The following MED12L variants were observed in gnomAD, a reference collection of about 807,000 sequenced individuals.
The protein encoded by MED12L is mediator complex subunit 12L.
Under a neutral mutation model 281.3 loss-of-function variants are expected in MED12L, and 60 were observed. The ratio of observed to expected loss-of-function variants is 0.21; its 90% confidence interval spans 0.17 to 0.26. The LOEUF (loss-of-function observed/expected upper bound fraction) is 0.26. MED12L is among the 10% of genes least tolerant of loss of function. The probability of loss-of-function intolerance (pLI) is 1.00; values close to 1 mark genes in which losing one functional copy is unlikely to be tolerated. For synonymous variants in MED12L, 974 were observed against 987.2 expected (o/e 0.99, Z 0.25); for missense variants, 2,146 against 2,680.9 (o/e 0.80, Z 4.41).
intron 16 of MED12L, among the ~76,000 whole-genome samples, chr3:151,334,954 C>T (rs1310579932): frequency 2.0e-5 from 3 of 152,286 alleles, no homozygotes; most frequent in East Asian, 3.9e-4. Context: ...TATTTATGGA[C>T]ATTGAAATTC....
chr3:151,228,069 T>C (rs1429595518), intron 16 of MED12L, among the ~76,000 whole-genome samples: 1 of 152,192 alleles, frequency 6.6e-6, no homozygotes, highest in Non-Finnish European at 1.5e-5. Context: ...AGACCTTAAC[T>C]GTAATTGAAT....
chr3:151,233,805 G>T (rs1375636363), intron 16 of MED12L, among the ~76,000 whole-genome samples: 1 of 152,214 alleles, frequency 6.6e-6, no homozygotes, highest in Non-Finnish European at 1.5e-5. Flanking sequence ...GATCGTTCCT[G>T]TTCCTCCTCT....
chr3:151,218,499 G>A (rs1420575206), intron 16 of MED12L, among the ~76,000 whole-genome samples: 2 of 152,088 alleles, frequency 1.3e-5, no homozygotes, highest in Non-Finnish European at 2.9e-5. Flanking sequence ...TGAGGCTTTA[G>A]GAATATAAAC....
At chr3:151,280,556 C>G (rs1260958453) in intron 16 of MED12L, among the ~76,000 whole-genome samples, 1 of 152,050 alleles carries the variant, frequency 6.6e-6, no homozygotes, top group Non-Finnish European at 1.5e-5. Flanking sequence ...AATCGAATAC[C>G]TTACAAACCA....
intron 16 of MED12L, chr3:151,316,722 C>T (rs1169148372): frequency 6.6e-6 from 1 of 152,150 alleles, no homozygotes; most frequent in Non-Finnish European, 1.5e-5. Flanking sequence ...AGCATGAAAA[C>T]GAAACATCTC....
At chr3:151,423,025 A>ATG (rs2108437456) in intron 43 of MED12L, among the ~76,000 whole-genome samples, 1 of 144,464 alleles carries the variant, frequency 6.9e-6, no homozygotes, top group South Asian at 2.2e-4. Flanking sequence ...AAATATATAT[A>ATG]TATATATATT....
intron 16 of MED12L, among the ~76,000 whole-genome samples, chr3:151,289,736 C>G (rs1263043964): frequency 6.6e-6 from 1 of 152,108 alleles, no homozygotes; most frequent in Non-Finnish European, 1.5e-5. Flanking sequence ...ACATTTAAAC[C>G]TATACCTAGA....
At chr3:151,423,198 A>G (rs1220744999) in intron 43 of MED12L, among the ~76,000 whole-genome samples, 1 of 147,844 alleles carries the variant, frequency 6.8e-6, no homozygotes, top group Non-Finnish European at 1.5e-5. Context: ...TTTTTTTTTT[A>G]TACTTTAAGT....
intron 3 of MED12L, among the ~76,000 whole-genome samples, chr3:151,120,734 G>A (rs925736766): frequency 5.3e-5 from 8 of 152,184 alleles, no homozygotes; most frequent in African/African-American, 1.9e-4. Context: ...TTGGGACTTG[G>A]GAATGAGGCG....
intron 16 of MED12L, among the ~76,000 whole-genome samples, chr3:151,296,024 C>T (rs1284965685): frequency 6.6e-6 from 1 of 152,120 alleles, no homozygotes; most frequent in African/African-American, 2.4e-5. Flanking sequence ...GGAGTATCCA[C>T]AAATGTGTTT....
At chr3:151,361,738 C>G (rs574425757) in intron 21 of MED12L, among the ~76,000 whole-genome samples, 1 of 152,192 alleles carries the variant, frequency 6.6e-6, no homozygotes, top group Admixed American at 6.5e-5. Context: ...CTCTTGAAAT[C>G]ACCCCACTCA....
chr3:151,328,493 G>A (rs762746331), intron 16 of MED12L: 4 of 1,614,028 alleles, frequency 2.5e-6, no homozygotes, highest in South Asian at 2.2e-5. Flanking sequence ...CACAGACGAT[G>A]GTGTTGCTTC....
At chr3:151,196,094 G>C (rs1724616670) in intron 16 of MED12L, among the ~76,000 whole-genome samples, 1 of 152,128 alleles carries the variant, frequency 6.6e-6, no homozygotes, top group Non-Finnish European at 1.5e-5. Context: ...CTGTGACCTT[G>C]GTTTTACAGC....
chr3:151,282,196 T>G (rs1742907491), intron 16 of MED12L, among the ~76,000 whole-genome samples: 1 of 152,230 alleles, frequency 6.6e-6, no homozygotes, highest in Non-Finnish European at 1.5e-5. Flanking sequence ...CTTGTTCATG[T>G]GAGCCCTGTA....
chr3:151,133,684 G>A (rs549950125), intron 5 of MED12L, among the ~76,000 whole-genome samples: 6 of 152,180 alleles, frequency 3.9e-5, no homozygotes, highest in African/African-American at 1.2e-4. Context: ...GGGAGAGTAC[G>A]CCAGAAATAA....
intron 16 of MED12L, chr3:151,203,106 G>T (rs1391318057): frequency 6.6e-6 from 1 of 152,080 alleles, no homozygotes; most frequent in African/African-American, 2.4e-5. Flanking sequence ...AGACATACCT[G>T]GGGCTATCTT....
In MED12L at chr3:151,413,873, A is replaced by ATT. The variant is rs201952932; in HGVS notation, c.6297+592_6297+593dup. Reference sequence around the variant, plus strand: ...GATAAAGGGTTCTTCCCCTTGATACATTTTTTTTTTTTTTTCCCCTTAAGA... The same window carrying ATT: ...GATAAAGGGTTCTTCCCCTTGATACATTTTTTTTTTTTTTTTTCCCCTTAAGA... On this transcript the variant is annotated intron_variant, in intron 42 of 44. Coordinates refer to ENST00000687756, the MANE Select transcript of MED12L (RefSeq NM_001393769.1). Among the ~76,000 whole-genome samples the ATT allele has an allele frequency of 7.6e-5, 11 of 143,898 alleles. No homozygotes were observed. The East Asian group carries it at 1.4e-3, about 19-fold the overall frequency. 94.4% of individuals were successfully genotyped at this position (143,898 alleles called of 152,430 possible). A position where few individuals can be genotyped will look rare whatever the true frequency, so the allele number is the denominator to read the frequency against.
chr3:151,137,375 C>T (rs1281053494), intron 5 of MED12L, among the ~76,000 whole-genome samples: 1 of 152,148 alleles, frequency 6.6e-6, no homozygotes, highest in Non-Finnish European at 1.5e-5. Flanking sequence ...TCCTTGCTTT[C>T]TGGCACAGAA....
At chr3:151,266,195 G>A (rs1739805514) in intron 16 of MED12L, among the ~76,000 whole-genome samples, 2 of 152,128 alleles carry the variant, frequency 1.3e-5, no homozygotes, top group African/African-American at 2.4e-5. Context: ...TTTGAGGAAG[G>A]CTCATCTGAT....
Sources: gnomAD v4.1 joint callset for allele counts (sites outside exome capture counted in the v4.1 genomes callset) on GRCh38, gnomAD v4.1.1 for gene constraint, MANE v1.5 for transcripts, NCBI Gene and HGNC (gene_info 2026-07-23, HGNC 2026-07-21) for gene names.